Variants in LUC7L observed in about 807,000 individuals in gnomAD.
The protein encoded by LUC7L is LUC7 like, also known as putative RNA-binding protein Luc7-like 1.
A neutral mutation model predicts 51.1 loss-of-function variants in LUC7L; 29 were observed. The observed-to-expected ratio is 0.57, with a 90% confidence interval of 0.42 to 0.77. The LOEUF is 0.77. Ranked by LOEUF, LUC7L falls within the 30% of genes least tolerant of loss-of-function variation. The pLI, the probability that LUC7L is intolerant of heterozygous loss-of-function variation, is 0.00. For missense variants in LUC7L, 403 were observed against 511.9 expected (o/e 0.79, Z 2.05); for synonymous variants, 181 against 180.7 (o/e 1.00, Z -0.01).
chr16:209,574 G>C (rs561708987), intron 3 of LUC7L: 1 of 151,806 alleles, frequency 6.6e-6, no homozygotes, highest in East Asian at 1.9e-4. Flanking sequence ...TAAACCATGA[G>C]TCAGCTTGCT....
rs1419564525 is a variant in LUC7L, at chr16:215,536, C to T, written c.255+5113G>A. Among the ~76,000 whole-genome samples the T allele has an allele frequency of 3.3e-5, 5 of 151,754 alleles. No homozygotes were observed. In the East Asian group the frequency reaches 9.7e-4, roughly 30 times the overall value. On this transcript the variant is annotated intron_variant, in intron 3 of 9. Transcript: ENST00000293872. ...TTGGGAGGCTGAGGTAGGAGAGTTGCTTGAACCCGGCAGGCGGAGGTTGCA... is the reference window on the plus strand; with the variant it reads ...TTGGGAGGCTGAGGTAGGAGAGTTGTTTGAACCCGGCAGGCGGAGGTTGCA...
At chr16:190,498 G>T (rs369839117) in intron 8 of LUC7L, 43 bp downstream of exon 8, 140 of 1,580,600 alleles carry the variant, frequency 8.9e-5, no homozygotes, top group Non-Finnish European at 1.1e-4. Context: ...AATGCTTATG[G>T]AAAAAAAAAT....
At chr16:193,557 C>T (rs567942705) in intron 6 of LUC7L, among the ~76,000 whole-genome samples, 1 of 152,120 alleles carries the variant, frequency 6.6e-6, no homozygotes, top group South Asian at 2.1e-4. Context: ...AGTGCAGTGG[C>T]GCGATCTTTG....
At chr16:226,578 T>C (rs1030665184) in intron 2 of LUC7L, among the ~76,000 whole-genome samples, 18 of 152,214 alleles carry the variant, frequency 1.2e-4, no homozygotes, top group Non-Finnish European at 2.1e-4. Context: ...ACAAAATCAA[T>C]GTATCCTCAA....
In LUC7L at chr16:189,321, TGCCCGCTCTCTGGAG is replaced by T; in HGVS notation, c.978_992del (p.Phe326_Ala331delinsLeu). 6.2e-7 allele frequency: 1 copy of T among 1,611,652 alleles called. No individual in the cohort carries two copies. Among genetic ancestry groups the T allele is most frequent in the South Asian group, 1.1e-5 (1 of 90,860 alleles). On this transcript the variant is annotated inframe_deletion, in exon 10 of 10. Coordinates refer to ENST00000293872, the MANE Select transcript of LUC7L (RefSeq NM_201412.3). ...CGCTCTCCCAGGACTCCTCTCTGGA[TGCCCGCTCTCTGGAG>T]AACCTGGGAAATGGGAACCAGAGGC...
chr16:229,431 C>A lies in LUC7L; in HGVS notation c.-92G>T. 8.6e-7 allele frequency: 1 copy of A among 1,162,902 alleles called. No individual in the cohort carries two copies. The highest frequency in any genetic ancestry group is 1.2e-6 in the Non-Finnish European group (1 of 866,482). The allele number at this position is 1,162,902 out of a possible 1,614,324, so 72.0% of individuals were successfully genotyped here. On this transcript the variant is annotated 5_prime_UTR_variant, in exon 1 of 10. Coordinates refer to ENST00000293872, the MANE Select transcript of LUC7L (RefSeq NM_201412.3). ...CGACAAACGATGGTCGCGTCGGCCT[C>A]GAGCCCACTCGGCTCTTTCCCGCCG...
chr16:192,567 G>A (rs1157304744), intron 7 of LUC7L, among the ~76,000 whole-genome samples: 5 of 144,038 alleles, frequency 3.5e-5, no homozygotes, highest in East Asian at 2.1e-4. Flanking sequence ...GCAGTGGCAC[G>A]ATCTCGGCTC....
At chr16:190,702 A>G (rs960739021) in intron 7 of LUC7L, 132 bp from the exon 8 acceptor site, 1 of 775,100 alleles carries the variant, frequency 1.3e-6, no homozygotes, top group Non-Finnish European at 2.2e-6. Context: ...CAACGTGGTG[A>G]AACCCCGTCT....
At chr16:190,731 C>T (rs2048989816) in intron 7 of LUC7L, 161 bp from the exon 8 acceptor site, 9 of 646,446 alleles carry the variant, frequency 1.4e-5, no homozygotes, top group Admixed American at 2.8e-5. Context: ...AACACAAAAC[C>T]TGGCCAGGCG....
Position 208,226 on chromosome 16 carries a change from T to A in LUC7L, c.256-38A>T, listed in dbSNP as rs775419255. ...AAGCACAGCGCTATAATCAATGATG[T>A]GTAAAGCGTAAAGTCTTAGAACCCA... is the stretch of plus-strand genomic sequence containing the variant. On this transcript the variant is annotated intron_variant, in intron 3 of 9. Transcript: ENST00000293872. 1.1e-5 allele frequency: 16 copies of A among 1,449,816 alleles called. No individual in the cohort carries two copies. The East Asian group carries it at 3.6e-4, about 33-fold the overall frequency. The allele number at this position is 1,449,816 out of a possible 1,614,324, so 89.8% of individuals were successfully genotyped here. A position where few individuals can be genotyped will look rare whatever the true frequency, so the allele number is the denominator to read the frequency against.
intron 3 of LUC7L, among the ~76,000 whole-genome samples, chr16:216,433 A>T (rs998060809): frequency 3.1e-5 from 4 of 127,498 alleles, no homozygotes; most frequent in Non-Finnish European, 6.2e-5. Flanking sequence ...TCCAGGCTGG[A>T]GTGCAGTGGC....
chr16:209,696 G>A (rs1257930691), intron 3 of LUC7L: 1 of 152,142 alleles, frequency 6.6e-6, no homozygotes, highest in Non-Finnish European at 1.5e-5. Context: ...GAAGGCAGAT[G>A]ACAGGAAAAC....
intron 1 of LUC7L, chr16:228,971 A>G: frequency 2.1e-6 from 3 of 1,424,730 alleles, no homozygotes; most frequent in Middle Eastern, 1.9e-4. Flanking sequence ...CCGACTCCAC[A>G]GTTCGCGGAG....
chr16:193,479 G>C (rs116488546), intron 6 of LUC7L, among the ~76,000 whole-genome samples: 2,256 of 152,044 alleles, frequency 0.015, 60 homozygotes, highest in African/African-American at 0.051. Context: ...TAATGAAGAA[G>C]ATAACACATG....
intron 6 of LUC7L, among the ~76,000 whole-genome samples, chr16:197,630 G>A (rs1193091882): frequency 6.6e-6 from 1 of 152,176 alleles, no homozygotes; most frequent in African/African-American, 2.4e-5. Flanking sequence ...ACCAGTGGCC[G>A]AGAATAACCT....
intron 6 of LUC7L, among the ~76,000 whole-genome samples, chr16:197,207 CTTTTT>C (rs754309530): frequency 3.7e-5 from 3 of 80,380 alleles, no homozygotes; most frequent in African/African-American, 5.2e-5. Context: ...TGCACCCAGC[CTTTTT>C]TTTTTTTTTT....
At position 199,231 on chromosome 16, in the gene LUC7L, T is replaced by C. The variant is rs1360710513; in HGVS notation, c.518A>G (p.Tyr173Cys). ...ACTGGATGCAGGCATGGAATTTCTG[T>C]ATTCTTCCTGAAGAAGGAAAATGGA... ...RAKKKEAEEE[Y>C]RNSMPASSFQ... Residue 173 changes from tyrosine (Y) to cysteine (C), a missense_variant, in exon 6 of 10, where the codon TAC becomes TGC. Physicochemically the swap from Tyr to Cys is radical, Grantham distance 194. Around this residue, in one of 3 missense-constraint regions of LUC7L, gnomAD observed 182 missense variants for 248.4 expected, o/e 0.73. Coordinates refer to ENST00000293872, the MANE Select transcript of LUC7L (RefSeq NM_201412.3). The C allele has an allele frequency of 6.3e-7, 1 of 1,592,380 alleles. No homozygotes were observed. The highest frequency in any genetic ancestry group is 8.6e-7 in the Non-Finnish European group (1 of 1,163,714).
intron 3 of LUC7L, among the ~76,000 whole-genome samples, chr16:216,384 T>G (rs1200243751): frequency 2.7e-5 from 4 of 146,834 alleles, no homozygotes; most frequent in South Asian, 4.4e-4. Context: ...ATAGTTGTTT[T>G]TTTTTTTTTT....
At chr16:206,859 G>A (rs1285767664) in intron 4 of LUC7L, among the ~76,000 whole-genome samples, 2 of 125,866 alleles carry the variant, frequency 1.6e-5, no homozygotes, top group African/African-American at 6.1e-5. Flanking sequence ...AAGAGTTCCA[G>A]ACCAGCTTGG....
Sources: allele counts gnomAD v4.1 joint callset (sites outside exome capture counted in the v4.1 genomes callset), GRCh38; gene constraint gnomAD v4.1.1; regional missense constraint gnomAD v4.1.1; transcripts MANE v1.5; gene names NCBI Gene and HGNC (gene_info 2026-07-23, HGNC 2026-07-21).